Variants in FAM135B observed in about 807,000 individuals in gnomAD.
FAM135B encodes protein FAM135B.
Under a neutral mutation model 127.7 loss-of-function variants are expected in FAM135B, and 43 were observed. That is an observed-to-expected ratio of 0.34 (90% CI 0.26 to 0.43). The LOEUF (loss-of-function observed/expected upper bound fraction) is 0.43, where lower values mean the gene tolerates loss of function less well. Among genes scored for constraint, FAM135B ranks in the 20% least tolerant of loss-of-function variants. The pLI is 1.00. For missense variants in FAM135B, 1,558 were observed against 1,725.6 expected (o/e 0.90, Z 1.72); for synonymous variants, 670 against 665.1 (o/e 1.01, Z -0.11).
intron 1 of FAM135B, among the ~76,000 whole-genome samples, chr8:138,487,570 C>T (rs1051306244): frequency 6.9e-6 from 1 of 144,416 alleles, no homozygotes; most frequent in African/African-American, 2.6e-5. Flanking sequence ...TTCACAGCAG[C>T]ATGGTGGGTG....
chr8:138,408,128 T>C (rs1472317076), intron 1 of FAM135B, among the ~76,000 whole-genome samples: 1 of 152,202 alleles, frequency 6.6e-6, no homozygotes, highest in Admixed American at 6.5e-5. Flanking sequence ...CTTAAAGTCA[T>C]CAGCTGCAAT....
intron 3 of FAM135B, among the ~76,000 whole-genome samples, chr8:138,280,115 C>T (rs573167440): frequency 1.6e-4 from 24 of 152,246 alleles, no homozygotes; most frequent in African/African-American, 4.6e-4. Context: ...CGAATCTACC[C>T]GCTGCACCCA....
rs186548505 is a variant in FAM135B at position 138,399,729 on chromosome 8, T to C, written c.-19-31727A>G. Among the ~76,000 whole-genome samples the C allele has an allele frequency of 1.4e-4, 22 of 152,256 alleles. No individual in the cohort carries two copies. The East Asian group carries it at 4.1e-3, about 28-fold the overall frequency. ...TAATACTAAATAATAGAATGAACAA[T>C]AGCCCCTACCTAATAACTCCCCAGG... On this transcript the variant is annotated intron_variant, in intron 1 of 19. Coordinates refer to ENST00000395297, the MANE Select transcript of FAM135B (RefSeq NM_015912.4).
upstream of FAM135B, among the ~76,000 whole-genome samples, chr8:138,497,447 G>C (rs1815440982): frequency 1.3e-5 from 2 of 151,974 alleles, no homozygotes; most frequent in African/African-American, 2.4e-5. Context: ...CTCAGTCCCC[G>C]CGGCGGGGCT....
In FAM135B at chr8:138,153,055, C is replaced by A; in HGVS notation, c.1420G>T (p.Glu474Ter). 6.2e-7 allele frequency: 1 copy of A among 1,614,180 alleles called. No individual in the cohort carries two copies. Among genetic ancestry groups the A allele is most frequent in the Non-Finnish European group, 8.5e-7 (1 of 1,180,030 alleles). The change falls in exon 13 of 20, where the codon GAA becomes TAA. Residue 474 changes from glutamate (E) to a stop codon, truncating the protein, a stop_gained. Coordinates refer to ENST00000395297, the MANE Select transcript of FAM135B (RefSeq NM_015912.4). LOFTEE classifies it high-confidence loss of function. ...GGCTCTGGACACCTTATAACTTCTT[C>A]ATCAGAATCCATTTGGGATGGTTTT... ...TIKPSQMDSDEEVIRCPEPGE... is the reference protein window; with the variant it reads ...TIKPSQMDSD
At chr8:138,286,376 G>A (rs1032645672) in intron 3 of FAM135B, among the ~76,000 whole-genome samples, 2 of 152,178 alleles carry the variant, frequency 1.3e-5, no homozygotes, top group African/African-American at 4.8e-5. Flanking sequence ...TTGGAAAGAA[G>A]ACATATGCAG....
Position 138,151,931 on chromosome 8 carries a change from G to T in FAM135B, c.2544C>A (p.Pro848=), listed in dbSNP as rs1423873674. 2 of 1,614,148 alleles carry T rather than the reference G, an allele frequency of 1.2e-6. No homozygotes were observed. The highest frequency in any genetic ancestry group is 1.7e-6 in the Non-Finnish European group (2 of 1,180,032). Residue 848 remains proline, a synonymous_variant, in exon 13 of 20, where the codon CCC becomes CCA. Coordinates refer to ENST00000395297, the MANE Select transcript of FAM135B (RefSeq NM_015912.4). ...CATCAAACTGCTTCCCTTTCCCTTT[G>T]GGGATGTCTATGTATCCGGGGCCCT... is the stretch of plus-strand genomic sequence containing the variant. ...NQQGPGYIDI[P]KGKGKQFDAQ...
At chr8:138,492,697 T>C (rs1287320196) in intron 1 of FAM135B, among the ~76,000 whole-genome samples, 1 of 152,146 alleles carries the variant, frequency 6.6e-6, no homozygotes, top group Admixed American at 6.5e-5. Flanking sequence ...AGTCTCTGCA[T>C]GTTGCTCTCC....
At chr8:138,366,551 C>A (rs1340061216) in intron 2 of FAM135B, among the ~76,000 whole-genome samples, 1 of 152,178 alleles carries the variant, frequency 6.6e-6, no homozygotes, top group African/African-American at 2.4e-5. Flanking sequence ...CCTCATATGC[C>A]TCCTTCCCTG....
chr8:138,169,511 TA>T (rs938515550), intron 11 of FAM135B, among the ~76,000 whole-genome samples: 1 of 148,900 alleles, frequency 6.7e-6, no homozygotes, highest in African/African-American at 2.5e-5. Context: ...CTTCTCGGAA[TA>T]TTTAACTCTT....
intron 1 of FAM135B, among the ~76,000 whole-genome samples, chr8:138,433,827 A>G (rs1205302427): frequency 6.6e-6 from 1 of 152,222 alleles, no homozygotes; most frequent in African/African-American, 2.4e-5. Context: ...AGGTTGGGAC[A>G]TTAGTTAAAA....
chr8:138,240,159 A>T (rs1421147823), intron 7 of FAM135B, among the ~76,000 whole-genome samples: 1 of 152,214 alleles, frequency 6.6e-6, no homozygotes, highest in Admixed American at 6.5e-5. Context: ...AGAAAAGAAA[A>T]GAAAACTAAG....
intron 2 of FAM135B, among the ~76,000 whole-genome samples, chr8:138,321,426 A>G (rs1282030843): frequency 1.3e-5 from 2 of 152,108 alleles, no homozygotes; most frequent in Non-Finnish European, 2.9e-5. Context: ...ATTATACCAA[A>G]CAGCACACTC....
At chr8:138,235,426 C>T (rs1316249625) in intron 7 of FAM135B, among the ~76,000 whole-genome samples, 1 of 152,138 alleles carries the variant, frequency 6.6e-6, no homozygotes, top group Non-Finnish European at 1.5e-5. Flanking sequence ...TGTCTAGAGA[C>T]AACATAATGT....
intron 12 of FAM135B, among the ~76,000 whole-genome samples, chr8:138,155,985 G>A (rs1818696100): frequency 6.6e-6 from 1 of 152,144 alleles, no homozygotes; most frequent in African/African-American, 2.4e-5. Flanking sequence ...CAAATCAACA[G>A]AATATACATT....
intron 7 of FAM135B, among the ~76,000 whole-genome samples, chr8:138,215,619 A>C (rs11781480): frequency 0.72 from 109,355 of 152,148 alleles, 39,416 homozygotes; most frequent in Middle Eastern, 0.8. Flanking sequence ...AGGCGTTATC[A>C]GAAATATTAA....
At chr8:138,160,317 A>T (rs13248777) in intron 12 of FAM135B, among the ~76,000 whole-genome samples, 103,775 of 152,030 alleles carry the variant, frequency 0.68, 35,469 homozygotes, top group East Asian at 0.76. Context: ...CCCACAATTT[A>T]TAGCCAGTTG....
intron 2 of FAM135B, among the ~76,000 whole-genome samples, chr8:138,344,268 C>T (rs1829248816): frequency 6.6e-6 from 1 of 152,176 alleles, no homozygotes; most frequent in Non-Finnish European, 1.5e-5. Context: ...TGTGGGGCTG[C>T]CTGTAATTCT....
At chr8:138,234,438 CA>C (rs1305385753) in intron 7 of FAM135B, among the ~76,000 whole-genome samples, 5 of 152,144 alleles carry the variant, frequency 3.3e-5, no homozygotes, top group Non-Finnish European at 7.4e-5. Flanking sequence ...CAGCATCATT[CA>C]CAATAGCTAA....
Sources: allele counts gnomAD v4.1 joint callset (sites outside exome capture counted in the v4.1 genomes callset), GRCh38; gene constraint gnomAD v4.1.1; transcripts MANE v1.5; gene names NCBI Gene and HGNC (gene_info 2026-07-23, HGNC 2026-07-21).